ANK1: variants seen among roughly 807,000 people sequenced by gnomAD.
ANK1 encodes ankyrin-1.
ANK1 carries 51 observed loss-of-function variants against 210.4 expected under a neutral mutation model. That is an observed-to-expected ratio of 0.24 (90% CI 0.19 to 0.31). ANK1 has a LOEUF of 0.31. Ranked by LOEUF, ANK1 falls within the 10% of genes least tolerant of loss-of-function variation. ANK1 has a pLI of 1.00. For missense variants in ANK1, 2,051 were observed against 2,504.4 expected, an observed-to-expected ratio of 0.82 and a Z score of 3.86; for synonymous variants, 967 against 1,025.9, an observed-to-expected ratio of 0.94 and a Z score of 1.10.
At chr8:41,655,879 C>A in intron 42 of ANK1, 126 bp from the exon 43 acceptor site, 1 of 1,109,452 alleles carries the variant, frequency 9.0e-7, no homozygotes. Context: ...GCAGTCTCCC[C>A]AGGCAGGGCG....
intron 1 of ANK1, among the ~76,000 whole-genome samples, chr8:41,836,597 G>A (rs922607436): frequency 3.9e-5 from 6 of 152,174 alleles, no homozygotes; most frequent in African/African-American, 7.2e-5. Context: ...AACTCAGCCC[G>A]GGCTAAGGAC....
intron 42 of ANK1, chr8:41,660,422 T>G (rs1279737283): frequency 8.5e-6 from 4 of 469,856 alleles, no homozygotes; most frequent in Non-Finnish European, 1.8e-5. Context: ...CCTCACCTCC[T>G]GCTGACTCCC....
intron 1 of ANK1, among the ~76,000 whole-genome samples, chr8:41,809,291 A>G (rs532683856): frequency 2.0e-5 from 3 of 152,366 alleles, no homozygotes; most frequent in Non-Finnish European, 4.4e-5. Flanking sequence ...CACTACATCT[A>G]CACCAAATGC....
At chr8:41,740,668 C>G (rs1278969400) in intron 2 of ANK1, among the ~76,000 whole-genome samples, 1 of 152,186 alleles carries the variant, frequency 6.6e-6, no homozygotes, top group Admixed American at 6.5e-5. Flanking sequence ...TGCGTGCACT[C>G]TATATACACA....
chr8:41,693,699 A>C (rs985858681), intron 29 of ANK1, among the ~76,000 whole-genome samples, 199 bp downstream of exon 29: 4 of 152,094 alleles, frequency 2.6e-5, no homozygotes, highest in African/African-American at 9.7e-5. Flanking sequence ...TGCTGGGATT[A>C]CAGGCGTGAG....
chr8:41,745,814 G>A (rs773046333), intron 2 of ANK1, among the ~76,000 whole-genome samples: 5 of 152,050 alleles, frequency 3.3e-5, no homozygotes, highest in East Asian at 1.9e-4. Flanking sequence ...GGGCTCAGGC[G>A]ATCCTCCTGA....
Position 41,706,255 on chromosome 8 carries a change from G to T in ANK1, c.1999-14C>A, listed in dbSNP as rs1440188632. On this transcript the variant is annotated splice_polypyrimidine_tract_variant and intron_variant, in intron 17 of 42. Coordinates refer to ENST00000289734, the MANE Select transcript of ANK1 (RefSeq NM_000037.4). ...AGTGAGTCCGCTCTGCAAAGAAAAA[G>T]ACGTTCATCACCTTCTATCAAGTAA... 1.9e-6 allele frequency: 3 copies of T among 1,610,896 alleles called. No homozygotes were observed. The highest frequency in any genetic ancestry group is 2.2e-5 in the East Asian group (1 of 44,830).
chr8:41,714,730 A>G (rs987427800), intron 15 of ANK1, among the ~76,000 whole-genome samples: 60 of 152,158 alleles, frequency 3.9e-4, no homozygotes, highest in African/African-American at 1.4e-3. Context: ...GCACGGTGGC[A>G]ACTGCTTGTA....
At chr8:41,700,493 C>T in intron 22 of ANK1, 1 of 1,603,914 alleles carries the variant, frequency 6.2e-7, no homozygotes, top group Non-Finnish European at 8.5e-7. Flanking sequence ...AGAAGGACCA[C>T]ATTGAAGGCA....
At position 41,791,194 on chromosome 8, in the gene ANK1, G is replaced by GTTT. The variant is rs71239082; in HGVS notation, c.27+6315_27+6317dup. ...TTCAGCTTTTCTCAGTACTAACTTT[G>GTTT]TTTTTTTTTTTTTTTTTTTTTTTTT... On this transcript the variant is annotated intron_variant, in intron 1 of 42. Transcript: ENST00000289734. Among the ~76,000 whole-genome samples the GTTT allele has an allele frequency of 2.3e-4, 16 of 70,148 alleles. 1 individual carries two copies. The highest frequency in any genetic ancestry group is 2.8e-4 in the Non-Finnish European group (11 of 38,964). The allele number at this position is 70,148 out of a possible 152,430, so 46.0% of individuals were successfully genotyped here. A position where few individuals can be genotyped will look rare whatever the true frequency, so the allele number is the denominator to read the frequency against.
intron 32 of ANK1, 49 bp downstream of exon 32, chr8:41,690,425 C>G (rs767279078): frequency 6.2e-7 from 1 of 1,614,196 alleles, no homozygotes. Context: ...AATTCTGCCT[C>G]CCCAACTTTC....
chr8:41,726,532 G>T, intron 5 of ANK1, among the ~76,000 whole-genome samples: 1 of 152,032 alleles, frequency 6.6e-6, no homozygotes, highest in East Asian at 1.9e-4. Flanking sequence ...TAAGAATAAG[G>T]CACACACCAC....
intron 7 of ANK1, among the ~76,000 whole-genome samples, chr8:41,724,160 TC>T (rs1830084593): frequency 6.6e-6 from 1 of 152,124 alleles, no homozygotes. Flanking sequence ...AGCCCATGCC[TC>T]CCAGAGTCAA....
chr8:41,690,125 C>T, intron 33 of ANK1, 102 bp downstream of exon 33: 1 of 1,562,642 alleles, frequency 6.4e-7, no homozygotes, highest in Non-Finnish European at 8.8e-7. Context: ...TAAGCTTCCA[C>T]CAGGAAGAAG....
intron 1 of ANK1, among the ~76,000 whole-genome samples, chr8:41,785,124 G>C (rs541985561): frequency 2.7e-4 from 41 of 152,344 alleles, no homozygotes; most frequent in African/African-American, 9.9e-4. Flanking sequence ...TTGGCAGGCT[G>C]AGGCAGGAGG....
intron 2 of ANK1, among the ~76,000 whole-genome samples, chr8:41,749,549 G>A (rs1240801793): frequency 2.8e-4 from 9 of 31,878 alleles, no homozygotes; most frequent in South Asian, 1.6e-3. Context: ...CACCCGCCTC[G>A]GCCTCCCAAA....
chr8:41,682,753 T>G (rs1816466801), intron 37 of ANK1, among the ~76,000 whole-genome samples: 1 of 152,264 alleles, frequency 6.6e-6, no homozygotes, highest in Admixed American at 6.5e-5. Flanking sequence ...CCCATTGTCC[T>G]GTAGGTGCTT....
intron 1 of ANK1, among the ~76,000 whole-genome samples, chr8:41,791,505 C>T (rs560987780): frequency 3.0e-4 from 46 of 150,846 alleles, no homozygotes; most frequent in African/African-American, 1.1e-3. Flanking sequence ...CAGCTCTGCT[C>T]ACTGCAACCT....
intron 1 of ANK1, among the ~76,000 whole-genome samples, chr8:41,865,203 C>T (rs943465292): frequency 2.0e-5 from 3 of 152,160 alleles, no homozygotes; most frequent in Admixed American, 2.0e-4. Flanking sequence ...CATGAGCACA[C>T]GGCTGAGGAG....
Sources: gnomAD v4.1 joint callset for allele counts (sites outside exome capture counted in the v4.1 genomes callset) on GRCh38, gnomAD v4.1.1 for gene constraint, MANE v1.5 for transcripts, NCBI Gene and HGNC (gene_info 2026-07-23, HGNC 2026-07-21) for gene names.